The following COL15A1 variants were observed in gnomAD, a reference collection of about 807,000 sequenced individuals.
COL15A1 encodes the protein collagen type XV alpha 1 chain.
Under a neutral mutation model 165.9 loss-of-function variants are expected in COL15A1, and 111 were observed. The observed-to-expected ratio is 0.67, with a 90% CI of 0.57 to 0.78. The LOEUF is 0.78. COL15A1 is among the 30% of genes least tolerant of loss of function. COL15A1 has a pLI of 0.00. For missense variants in COL15A1, 1,745 were observed against 1,789.7 expected, an observed-to-expected ratio of 0.98 and a Z score of 0.45; for synonymous variants, 659 against 674.8, an observed-to-expected ratio of 0.98 and a Z score of 0.36.
chr9:99,035,297 A>AC, intron 18 of COL15A1, 53 bp from the exon 19 acceptor site: 2 of 1,610,492 alleles, frequency 1.2e-6, no homozygotes, highest in Middle Eastern at 1.7e-4. Flanking sequence ...CACCTGGCAC[A>AC]AGTAGGTGCC....
chr9:99,048,383 G>C (rs564565342), intron 28 of COL15A1, among the ~76,000 whole-genome samples: 2 of 152,084 alleles, frequency 1.3e-5, no homozygotes, highest in Non-Finnish European at 2.9e-5. Context: ...CTGGAAGTCA[G>C]TATCAAAGGC....
chr9:99,045,327 A>G (rs111332665), intron 26 of COL15A1, among the ~76,000 whole-genome samples: 201 of 152,266 alleles, frequency 1.3e-3, no homozygotes, highest in African/African-American at 4.7e-3. Context: ...GGGATTTTTG[A>G]TTCTGGTTGT....
intron 39 of COL15A1, among the ~76,000 whole-genome samples, chr9:99,066,381 G>A (rs1052768180): frequency 6.6e-6 from 1 of 152,108 alleles, no homozygotes; most frequent in Non-Finnish European, 1.5e-5. Flanking sequence ...TCTTTCGATG[G>A]CTTTCTCCCA....
At chr9:99,054,713 G>A in intron 32 of COL15A1, 57 bp downstream of exon 32, 2 of 1,553,870 alleles carry the variant, frequency 1.3e-6, no homozygotes, top group South Asian at 1.2e-5. Flanking sequence ...GAGAACAAAT[G>A]CGACTGAGAA....
chr9:98,989,141 C>T (rs1248002815), intron 4 of COL15A1, 37 bp from the exon 5 acceptor site: 2 of 1,562,854 alleles, frequency 1.3e-6, no homozygotes, highest in Non-Finnish European at 1.8e-6. Flanking sequence ...GCCCTGCCCG[C>T]TCTGCCCGGT....
intron 9 of COL15A1, among the ~76,000 whole-genome samples, chr9:99,010,672 G>T (rs2118975284): frequency 6.6e-6 from 1 of 152,330 alleles, no homozygotes; most frequent in East Asian, 1.9e-4. Context: ...ACAGTTTGCT[G>T]TTCGATCATA....
rs370118605 is a variant in COL15A1 at position 99,034,997 on chromosome 9, T to G, written c.2080-17T>G. On this transcript the variant is annotated splice_polypyrimidine_tract_variant and intron_variant, in intron 17 of 41. Coordinates refer to ENST00000375001, the MANE Select transcript of COL15A1 (RefSeq NM_001855.5). ...TGAACCCAGGGCTAGATAATCAGCC[T>G]GCCCTCTTTCCTACAGGGTGACCCT... 264 of 1,609,416 alleles carry G rather than the reference T, an allele frequency of 1.6e-4. 4 individuals carry two copies. The East Asian group carries it at 1.9e-3, about 12-fold the overall frequency.
At chr9:99,044,241 G>A (rs943240718) in intron 24 of COL15A1, among the ~76,000 whole-genome samples, 2 of 152,286 alleles carry the variant, frequency 1.3e-5, no homozygotes, top group East Asian at 3.9e-4. Flanking sequence ...AGGGTTGAGA[G>A]TGAGGATGCA....
Position 99,052,562 on chromosome 9 carries a change from A to G in COL15A1, c.2950+129A>G, listed in dbSNP as rs116391732. ...CTAACTGGATGCTGTAGGGGTGGGGATGGCAGCTGAGCCAAGGCTGTGGGG... is the reference window on the plus strand; with the variant it reads ...CTAACTGGATGCTGTAGGGGTGGGGGTGGCAGCTGAGCCAAGGCTGTGGGG... On this transcript the variant is annotated intron_variant, in intron 31 of 41. Transcript: ENST00000375001. 2.1e-3 allele frequency: 1,672 copies of G among 778,950 alleles called. 18 individuals are homozygous for G. The African/African-American group carries it at 0.025, about 12-fold the overall frequency. The allele number at this position is 778,950 out of a possible 1,614,324, so 48.3% of individuals were successfully genotyped here. A position where few individuals can be genotyped will look rare whatever the true frequency, so the allele number is the denominator to read the frequency against.
chr9:98,959,593 G>A (rs1204303776), intron 2 of COL15A1, among the ~76,000 whole-genome samples: 7 of 150,438 alleles, frequency 4.7e-5, no homozygotes, highest in African/African-American at 7.5e-5. Context: ...GTGAGATCTT[G>A]CCATAAAAAA....
chr9:99,035,287 C>G (rs1478463580), intron 18 of COL15A1, 63 bp from the exon 19 acceptor site: 1 of 1,609,166 alleles, frequency 6.2e-7, no homozygotes, highest in African/African-American at 1.3e-5. Flanking sequence ...TCCAACACCA[C>G]ACCTGGCACA....
intron 38 of COL15A1, 55 bp downstream of exon 38, chr9:99,062,359 GTCC>G (rs1313827769): frequency 4.7e-6 from 6 of 1,285,832 alleles, no homozygotes; most frequent in Admixed American, 1.7e-5. Context: ...CATTTCCTGA[GTCC>G]TCCTTGGTAT....
chr9:99,021,009 C>A (rs73503742), intron 12 of COL15A1, among the ~76,000 whole-genome samples: 19 of 152,282 alleles, frequency 1.2e-4, no homozygotes, highest in East Asian at 1.2e-3. Context: ...TCAGTCACTG[C>A]GGGAATAACA....
intron 6 of COL15A1, among the ~76,000 whole-genome samples, chr9:98,998,810 T>C (rs1168475578): frequency 6.6e-6 from 1 of 152,214 alleles, no homozygotes; most frequent in African/African-American, 2.4e-5. Context: ...GCCACACTCC[T>C]TATCTAGCAG....
chr9:99,019,144 T>C (rs1838985438), intron 11 of COL15A1, among the ~76,000 whole-genome samples: 2 of 152,110 alleles, frequency 1.3e-5, no homozygotes, highest in African/African-American at 2.4e-5. Flanking sequence ...AAGCACAAGA[T>C]TGTCAAGAAG....
At chr9:98,981,417 A>C (rs1028531417) in intron 2 of COL15A1, among the ~76,000 whole-genome samples, 10 of 152,356 alleles carry the variant, frequency 6.6e-5, no homozygotes, top group Admixed American at 5.2e-4. Flanking sequence ...AGATTGTGCC[A>C]CTGCACTCCA....
intron 19 of COL15A1, 22 bp from the exon 20 acceptor site, chr9:99,036,148 T>G: frequency 6.3e-7 from 1 of 1,598,190 alleles, no homozygotes; most frequent in Admixed American, 1.7e-5. Flanking sequence ...AGAAGAATAT[T>G]TATTTTTGTT....
intron 26 of COL15A1, among the ~76,000 whole-genome samples, chr9:99,045,824 T>G (rs1163784529): frequency 6.6e-6 from 1 of 152,218 alleles, no homozygotes; most frequent in Non-Finnish European, 1.5e-5. Context: ...TTGAAACATT[T>G]TGGGCTAGAG....
chr9:99,024,099 C>T (rs1839072016), intron 14 of COL15A1, among the ~76,000 whole-genome samples: 1 of 152,122 alleles, frequency 6.6e-6, no homozygotes, highest in Non-Finnish European at 1.5e-5. Flanking sequence ...TTGGCTGCCC[C>T]TCTGCCCACT....
Sources: allele counts gnomAD v4.1 joint callset (sites outside exome capture counted in the v4.1 genomes callset), GRCh38; gene constraint gnomAD v4.1.1; transcripts MANE v1.5; gene names NCBI Gene and HGNC (gene_info 2026-07-23, HGNC 2026-07-21).